Variants in CATSPERT observed in about 807,000 individuals in gnomAD.
CATSPERT encodes the protein catsper channel auxiliary subunit tau.
the CATSPERT span, among the ~76,000 whole-genome samples, chr2:201,587,585 T>C: frequency 6.6e-6 from 1 of 152,166 alleles, no homozygotes; most frequent in Non-Finnish European, 1.5e-5. Context: ...AATGTGTTTT[T>C]CCCTCCTCTG....
the CATSPERT span, among the ~76,000 whole-genome samples, chr2:201,558,569 GCA>G: frequency 1.3e-5 from 2 of 151,924 alleles, no homozygotes; most frequent in Non-Finnish European, 2.9e-5. Context: ...GAAAAGGTTA[GCA>G]GAATATCCCC....
At chr2:201,491,145 G>T in the CATSPERT span, 1 of 1,502,724 alleles carries the variant, frequency 6.7e-7, no homozygotes, top group Non-Finnish European at 8.8e-7. Context: ...TACAGAAGTA[G>T]AAGACTTAGA....
At chr2:201,544,821 C>CAAAAA in the CATSPERT span, among the ~76,000 whole-genome samples, 14 of 92,570 alleles carry the variant, frequency 1.5e-4, no homozygotes, top group Non-Finnish European at 1.3e-4. Context: ...CCTGTCTCTA[C>CAAAAA]AAAAAAAAAA....
chr2:201,575,832 A>G, the CATSPERT span, among the ~76,000 whole-genome samples: 1 of 152,152 alleles, frequency 6.6e-6, no homozygotes, highest in Non-Finnish European at 1.5e-5. Flanking sequence ...CACTTGAACC[A>G]TCTCGACCCA....
the CATSPERT span, among the ~76,000 whole-genome samples, chr2:201,517,421 C>G: frequency 1.6e-4 from 24 of 152,132 alleles, no homozygotes; most frequent in African/African-American, 5.6e-4. Context: ...GTTTTCTTTT[C>G]CTTCCTCTTC....
the CATSPERT span, among the ~76,000 whole-genome samples, chr2:201,500,059 A>G: frequency 6.6e-6 from 1 of 151,872 alleles, no homozygotes. Flanking sequence ...TATCTCAAGA[A>G]CTTACATTTT....
the CATSPERT span, among the ~76,000 whole-genome samples, chr2:201,618,703 T>C: frequency 6.8e-6 from 1 of 146,982 alleles, no homozygotes; most frequent in Non-Finnish European, 1.5e-5. Context: ...GAACTTAAAG[T>C]ATAATAAAAA....
chr2:201,571,069 G>T, the CATSPERT span, among the ~76,000 whole-genome samples: 12 of 152,152 alleles, frequency 7.9e-5, no homozygotes, highest in African/African-American at 2.9e-4. Context: ...AGCTACTCAA[G>T]GGCAAGGAGA....
chr2:201,523,101 C>T, the CATSPERT span, among the ~76,000 whole-genome samples: 10 of 152,296 alleles, frequency 6.6e-5, no homozygotes, highest in Non-Finnish European at 7.4e-5. Context: ...TGCCAGCACA[C>T]GTGTGTGTGG....
At chr2:201,501,812 T>TA in the CATSPERT span, among the ~76,000 whole-genome samples, 2 of 152,290 alleles carry the variant, frequency 1.3e-5, no homozygotes, top group East Asian at 3.9e-4. Context: ...ACACATCTCT[T>TA]AAAAAAGCCA....
chr2:201,547,375 T>C, the CATSPERT span: 1 of 544,830 alleles, frequency 1.8e-6, no homozygotes, highest in Non-Finnish European at 3.2e-6. Context: ...AACAGGTAAG[T>C]ACCTGAACCA....
chr2:201,567,981 G>A, the CATSPERT span, among the ~76,000 whole-genome samples: 2 of 152,128 alleles, frequency 1.3e-5, no homozygotes, highest in Admixed American at 6.6e-5. Context: ...CAGTAAATGG[G>A]CCAGAATAAC....
At chr2:201,591,487 T>C in the CATSPERT span, among the ~76,000 whole-genome samples, 2 of 152,004 alleles carry the variant, frequency 1.3e-5, no homozygotes, top group Non-Finnish European at 2.9e-5. Flanking sequence ...TGGTTCCATA[T>C]GAACTTTAAA....
the CATSPERT span, among the ~76,000 whole-genome samples, chr2:201,506,064 G>C: frequency 6.6e-6 from 1 of 152,132 alleles, no homozygotes; most frequent in African/African-American, 2.4e-5. Context: ...TCAGGAGATC[G>C]AGACCATCCT....
chr2:201,495,685 G>GT, the CATSPERT span, among the ~76,000 whole-genome samples: 60,953 of 131,036 alleles, frequency 0.47, 14,001 homozygotes, highest in East Asian at 0.53. Flanking sequence ...AATCCCCTTG[G>GT]TTTTTTTTTT....
chr2:201,597,596 T>C, the CATSPERT span, among the ~76,000 whole-genome samples: 1 of 152,132 alleles, frequency 6.6e-6, no homozygotes, highest in Non-Finnish European at 1.5e-5. Flanking sequence ...CGGGAATCAC[T>C]GCCAGATAAA....
the CATSPERT span, chr2:201,575,170 C>G: frequency 1.1e-6 from 1 of 875,416 alleles, no homozygotes; most frequent in Non-Finnish European, 1.7e-6. Context: ...GGTATGGTAA[C>G]TAAAAGAATA....
chr2:201,561,365 T>G, the CATSPERT span, among the ~76,000 whole-genome samples: 2 of 152,122 alleles, frequency 1.3e-5, no homozygotes, highest in African/African-American at 2.4e-5. Context: ...TTTAAAAAAA[T>G]TAATTTTCAA....
chr2:201,596,878 A>G, the CATSPERT span, among the ~76,000 whole-genome samples: 1 of 152,086 alleles, frequency 6.6e-6, no homozygotes, highest in Non-Finnish European at 1.5e-5. Context: ...CCATTTGTAC[A>G]CTGTTTCCAC....
Sources: allele counts gnomAD v4.1 joint callset (sites outside exome capture counted in the v4.1 genomes callset), GRCh38; gene constraint gnomAD v4.1.1; transcripts MANE v1.5; gene names NCBI Gene and HGNC (gene_info 2026-07-23, HGNC 2026-07-21).